KCTD17: variants seen among roughly 807,000 people sequenced by gnomAD.
KCTD17 encodes potassium channel tetramerization domain containing 17.
KCTD17 carries 20 observed loss-of-function variants against 41.5 expected under a neutral mutation model. That is an observed-to-expected ratio of 0.48 (90% CI 0.34 to 0.70). KCTD17 has a LOEUF of 0.70. Among genes scored for constraint, KCTD17 ranks in the 30% least tolerant of loss-of-function variants. KCTD17 has a pLI of 0.01. For missense variants in KCTD17, 317 were observed against 427.2 expected, an observed-to-expected ratio of 0.74 and a Z score of 2.27; for synonymous variants, 156 against 173.8, an observed-to-expected ratio of 0.90 and a Z score of 0.80.
rs1417176309 is a variant in KCTD17, at chr22:37,063,132, T to TAGGG, written c.*539_*542dup. The stretch of plus-strand genomic sequence containing the variant: ...GTTGTGGGGAGCTGGCCTGGCAGAG[T>TAGGG]AGGGGTAGTTGGCTTGGCCTTCTCT... On this transcript the variant is annotated 3_prime_UTR_variant, in exon 9 of 9. Coordinates refer to ENST00000403888, the MANE Select transcript of KCTD17 (RefSeq NM_001282684.2). The surrounding 1 kb of genome is among the most constrained non-coding windows in gnomAD (Gnocchi z 4.6). 1 of 153,192 alleles carries TAGGG rather than the reference T, an allele frequency of 6.5e-6. No individual in the cohort carries two copies. Among genetic ancestry groups the TAGGG allele is most frequent in the Admixed American group, 6.5e-5 (1 of 15,334 alleles). 9.5% of individuals were successfully genotyped at this position (153,192 alleles called of 1,614,324 possible). A position where few individuals can be genotyped will look rare whatever the true frequency, so the allele number is the denominator to read the frequency against.
chr22:37,054,739 G>C (rs538702606), intron 2 of KCTD17, among the ~76,000 whole-genome samples: 1 of 152,164 alleles, frequency 6.6e-6, no homozygotes, highest in Non-Finnish European at 1.5e-5. Context: ...GAGGATGTGG[G>C]ATGCAGTGCT....
Position 37,061,788 on chromosome 22 carries a change from G to A in KCTD17, c.875+159G>A, listed in dbSNP as rs751583833. 2.8e-4 allele frequency: 271 copies of A among 985,268 alleles called. No individual in the cohort carries two copies. Among genetic ancestry groups the A allele is most frequent in the Non-Finnish European group, 3.2e-4 (268 of 829,934 alleles). The allele number at this position is 985,268 out of a possible 1,614,324, so 61.0% of individuals were successfully genotyped here. On this transcript the variant is annotated intron_variant, in intron 8 of 8. Coordinates refer to ENST00000403888, the MANE Select transcript of KCTD17 (RefSeq NM_001282684.2). The surrounding 1 kb of genome is among the most constrained non-coding windows in gnomAD (Gnocchi z 6.6). ...GGTGAGGCTCTGAGAGGAGAAGAAA[G>A]TTAGGGAGTGGGAACTTTCCTACCA...
At chr22:37,054,167 C>T (rs1176743972) in intron 2 of KCTD17, among the ~76,000 whole-genome samples, 1 of 152,196 alleles carries the variant, frequency 6.6e-6, no homozygotes, top group Non-Finnish European at 1.5e-5. Context: ...CACCAGAGTC[C>T]ACTGTAGGTG....
intron 3 of KCTD17, among the ~76,000 whole-genome samples, chr22:37,056,715 A>G (rs552711152): frequency 1.2e-4 from 18 of 152,296 alleles, no homozygotes; most frequent in African/African-American, 3.8e-4. Flanking sequence ...GGAATGGCAC[A>G]CCCATCCCTT....
At chr22:37,057,706 C>T (rs1925309385) in intron 4 of KCTD17, among the ~76,000 whole-genome samples, 1 of 152,178 alleles carries the variant, frequency 6.6e-6, no homozygotes, top group Admixed American at 6.5e-5. Context: ...GCCCCAGTGG[C>T]CATAGGACAG....
At chr22:37,058,107 T>G (rs1481336293) in intron 4 of KCTD17, among the ~76,000 whole-genome samples, 1 of 152,178 alleles carries the variant, frequency 6.6e-6, no homozygotes, top group Non-Finnish European at 1.5e-5. Flanking sequence ...CTCCCACCTT[T>G]CAGGTTTCCA....
chr22:37,061,188 C>T lies in KCTD17; in HGVS notation c.784+13C>T. On this transcript the variant is annotated intron_variant, in intron 7 of 8. Transcript: ENST00000403888. This position sits in a 1 kb window ranked among gnomAD's most constrained non-coding sequence, Gnocchi z 6.6. ...CTTCCCGCTGGAGGTCCTGCCTCAT[C>T]TTCATCCACCTCTTCTTCCTCCTGG... 1 of 1,551,106 alleles carries T rather than the reference C, an allele frequency of 6.4e-7. No individual in the cohort carries two copies. The highest frequency in any genetic ancestry group is 1.2e-5 in the South Asian group (1 of 84,058).
intron 5 of KCTD17, 42 bp downstream of exon 5, chr22:37,059,480 G>T: frequency 6.4e-7 from 1 of 1,571,540 alleles, no homozygotes. Context: ...GAAGTCTCCT[G>T]TCTCCCTCCA....
chr22:37,055,732 T>G (rs767089044), intron 2 of KCTD17, among the ~76,000 whole-genome samples: 7 of 152,120 alleles, frequency 4.6e-5, no homozygotes, highest in Non-Finnish European at 8.8e-5. Context: ...GGGGAATGCA[T>G]GGACACAAGG....
rs1005545297 is a variant in KCTD17 at position 37,063,072 on chromosome 22, G to A, written c.*478G>A. ...GCCCGACCCCTGGGCATAACACTGT[G>A]TTTGCAAATGGAGATTCAGGTATTG... On this transcript the variant is annotated 3_prime_UTR_variant, in exon 9 of 9. Transcript: ENST00000403888. The surrounding 1 kb of genome is among the most constrained non-coding windows in gnomAD (Gnocchi z 4.6). The A allele has an allele frequency of 1.3e-5, 2 of 157,084 alleles. No homozygotes were observed. Among genetic ancestry groups the A allele is most frequent in the South Asian group, 4.0e-4 (2 of 5,022 alleles). 9.7% of individuals were successfully genotyped at this position (157,084 alleles called of 1,614,324 possible). A position where few individuals can be genotyped will look rare whatever the true frequency, so the allele number is the denominator to read the frequency against.
rs1279626605 is a variant in KCTD17, at chr22:37,062,316, C to T, written c.876-209C>T. 5.1e-6 allele frequency: 5 copies of T among 985,026 alleles called. No individual in the cohort carries two copies. The African/African-American group carries it at 7.0e-5, about 14-fold the overall frequency. The allele number at this position is 985,026 out of a possible 1,614,324, so 61.0% of individuals were successfully genotyped here. On this transcript the variant is annotated intron_variant, in intron 8 of 8. Transcript: ENST00000403888. The stretch of plus-strand genomic sequence containing the variant: ...GGTTAGTTGGGGAGCCCTTGCTGCT[C>T]CCCCCAACTCAGTTCTGAATCCACC...
chr22:37,053,037 T>C lies in KCTD17; in HGVS notation c.190-63T>C. Reference sequence around the variant, plus strand: ...TCCACTCTCCTTCCCTCCCTGTGCGTGTGCGGGGTTGGCTGGGGAGAAGCC... The same window carrying C: ...TCCACTCTCCTTCCCTCCCTGTGCGCGTGCGGGGTTGGCTGGGGAGAAGCC... On this transcript the variant is annotated intron_variant, in intron 1 of 8. Coordinates refer to ENST00000403888, the MANE Select transcript of KCTD17 (RefSeq NM_001282684.2). This position sits in a 1 kb window ranked among gnomAD's most constrained non-coding sequence, Gnocchi z 4.1. 3 of 1,299,544 alleles carry C rather than the reference T, an allele frequency of 2.3e-6. No individual in the cohort carries two copies. Among genetic ancestry groups the C allele is most frequent in the Non-Finnish European group, 3.3e-6 (3 of 918,694 alleles). 80.5% of individuals were successfully genotyped at this position (1,299,544 alleles called of 1,614,324 possible).
chr22:37,053,097 T>C lies in KCTD17; in HGVS notation c.190-3T>C. ...TCTCACCGAGCATCCCTCACCTCCATAGGATGAGACCGGGGCCTACCTCAT... is the reference window on the plus strand; with the variant it reads ...TCTCACCGAGCATCCCTCACCTCCACAGGATGAGACCGGGGCCTACCTCAT... On this transcript the variant is annotated splice_region_variant and splice_polypyrimidine_tract_variant and intron_variant, in intron 1 of 8. Coordinates refer to ENST00000403888, the MANE Select transcript of KCTD17 (RefSeq NM_001282684.2). The surrounding 1 kb of genome is among the most constrained non-coding windows in gnomAD (Gnocchi z 4.1). 1.3e-6 allele frequency: 2 copies of C among 1,579,884 alleles called. No homozygotes were observed. Among genetic ancestry groups the C allele is most frequent in the Non-Finnish European group, 1.7e-6 (2 of 1,162,548 alleles).
Position 37,062,669 on chromosome 22 carries a change from G to C in KCTD17, c.*75G>C. ...AAGCACCCTCTCCCCGGCCTCCTCTGTCTGCACCCGTGGGGCTGTGACTTA... is the reference window on the plus strand; with the variant it reads ...AAGCACCCTCTCCCCGGCCTCCTCTCTCTGCACCCGTGGGGCTGTGACTTA... On this transcript the variant is annotated 3_prime_UTR_variant, in exon 9 of 9. Coordinates refer to ENST00000403888, the MANE Select transcript of KCTD17 (RefSeq NM_001282684.2). 1 of 1,556,338 alleles carries C rather than the reference G, an allele frequency of 6.4e-7. No individual in the cohort carries two copies. Among genetic ancestry groups the C allele is most frequent in the East Asian group, 2.4e-5 (1 of 41,664 alleles).
chr22:37,055,806 C>T (rs1311974408), intron 2 of KCTD17, among the ~76,000 whole-genome samples: 1 of 152,150 alleles, frequency 6.6e-6, no homozygotes, highest in Non-Finnish European at 1.5e-5. Flanking sequence ...CCCTCTGGCA[C>T]TTACCAGCTG....
chr22:37,059,339 C>A lies in KCTD17; in HGVS notation c.513C>A (p.Asn171Lys). 1 of 1,613,240 alleles carries A rather than the reference C, an allele frequency of 6.2e-7. No individual in the cohort carries two copies. The highest frequency in any genetic ancestry group is 8.5e-7 in the Non-Finnish European group (1 of 1,179,846). The change falls in exon 5 of 9, where the codon AAC (asparagine) becomes AAA (lysine). Residue 171 changes from asparagine (N) to lysine (K), a missense_variant. Physicochemically the swap from Asn to Lys is moderately conservative, Grantham distance 94 (BLOSUM62 0). This residue lies in a region of KCTD17 where 177 missense variants were observed against 194.4 expected (regional missense o/e 0.91). Coordinates refer to ENST00000403888, the MANE Select transcript of KCTD17 (RefSeq NM_001282684.2). ...TGGTGAACATCGGCTCCTCCTACAA[C>A]TACGGCAGCGAGGACCAGGCAGAGT... ...EQLVNIGSSY[N>K]YGSEDQAEFL... is the part of the protein sequence containing the mutation.
At position 37,061,046 on chromosome 22, in the gene KCTD17, G is replaced by GCCACT; in HGVS notation, c.713-57_713-53dup. 6.4e-7 allele frequency: 1 copy of GCCACT among 1,551,226 alleles called. No homozygotes were observed. Among genetic ancestry groups the GCCACT allele is most frequent in the Middle Eastern group, 1.7e-4 (1 of 5,988 alleles). ...CTGGGGGGGCACCAGGGTTAGCTCA[G>GCCACT]CCACTTGCCTGGCGCCTCACCCGCA... On this transcript the variant is annotated intron_variant, in intron 6 of 8. Coordinates refer to ENST00000403888, the MANE Select transcript of KCTD17 (RefSeq NM_001282684.2). This position sits in a 1 kb window ranked among gnomAD's most constrained non-coding sequence, Gnocchi z 6.6.
chr22:37,057,537 C>A (rs1005459364), intron 4 of KCTD17, 44 bp downstream of exon 4: 9 of 1,510,370 alleles, frequency 6.0e-6, no homozygotes, highest in Non-Finnish European at 8.2e-6. Context: ...ACCCTGGGAC[C>A]TCCTAGCCTC....
In KCTD17 at chr22:37,053,340, C is replaced by T. The variant is rs749339217; in HGVS notation, c.298+132C>T. ...TGTTTCCTGCCTCTTCCCAGTCGGA[C>T]GGGGCTGATTCCCAAGCATCTGCCT... On this transcript the variant is annotated intron_variant, in intron 2 of 8. Transcript: ENST00000403888. The surrounding 1 kb of genome is among the most constrained non-coding windows in gnomAD (Gnocchi z 4.1). 12 of 702,906 alleles carry T rather than the reference C, an allele frequency of 1.7e-5. No homozygotes were observed. The highest frequency in any genetic ancestry group is 8.3e-5 in the East Asian group (3 of 36,238). 43.5% of individuals were successfully genotyped at this position (702,906 alleles called of 1,614,324 possible).
Sources: allele counts gnomAD v4.1 joint callset (sites outside exome capture counted in the v4.1 genomes callset), GRCh38; gene constraint gnomAD v4.1.1; regional missense constraint gnomAD v4.1.1; non-coding constraint Gnocchi (gnomAD v3.1); transcripts MANE v1.5; gene names NCBI Gene and HGNC (gene_info 2026-07-23, HGNC 2026-07-21).